The following SNORC variants were observed in gnomAD, a reference collection of about 807,000 sequenced individuals.
SNORC encodes secondary ossification center associated regulator of chondrocyte maturation.
A neutral mutation model predicts 9.7 loss-of-function variants in SNORC; 11 were observed. The observed-to-expected ratio is 1.14, with a 90% CI of 0.72 to 1.88. SNORC has a LOEUF of 1.88. SNORC is among the 40% of genes most tolerant of loss of function. The pLI is 0.00. For synonymous variants in SNORC, 108 were observed against 88.7 expected, an observed-to-expected ratio of 1.22 and a Z score of -1.22; for missense variants, 197 against 173.1, an observed-to-expected ratio of 1.14 and a Z score of -0.77.
chr2:232,870,452 C>T (rs114532944), intron 1 of SNORC, 38 bp downstream of exon 1: 32,399 of 1,539,416 alleles, frequency 0.021, 468 homozygotes, highest in South Asian at 0.03. Flanking sequence ...CACCACTAGC[C>T]TCCCAGGGCC....
At chr2:232,872,643 G>C (rs1393234647) in intron 1 of SNORC, among the ~76,000 whole-genome samples, 2 of 152,096 alleles carry the variant, frequency 1.3e-5, no homozygotes, top group African/African-American at 4.8e-5. Context: ...CTCACTTTCT[G>C]TCACCCTGGC....
chr2:232,867,544 C>T (rs1165429946), upstream of SNORC, among the ~76,000 whole-genome samples: 1 of 152,194 alleles, frequency 6.6e-6, no homozygotes, highest in Non-Finnish European at 1.5e-5. Context: ...ATTTGAAATA[C>T]AATTCATTGT....
At chr2:232,870,541 G>A (rs1690990102) in intron 1 of SNORC, 127 bp downstream of exon 1, 7 of 932,852 alleles carry the variant, frequency 7.5e-6, no homozygotes, top group Non-Finnish European at 1.1e-5. Flanking sequence ...GACTATTTGG[G>A]GTGATTCTGC....
chr2:232,875,273 G>A (rs1418711731), intron 1 of SNORC, among the ~76,000 whole-genome samples: 2 of 152,214 alleles, frequency 1.3e-5, no homozygotes, highest in Non-Finnish European at 2.9e-5. Context: ...AACCCGGGAG[G>A]CGGAGGCTGC....
chr2:232,872,308 AGGCCG>A (rs1409625937), intron 1 of SNORC, among the ~76,000 whole-genome samples: 1 of 152,154 alleles, frequency 6.6e-6, no homozygotes, highest in Non-Finnish European at 1.5e-5. Flanking sequence ...AGGTGGGAGC[AGGCCG>A]GGCTGAGCGG....
In SNORC at chr2:232,876,179, G is replaced by T; in HGVS notation, c.256+57G>T. 8.3e-7 allele frequency: 1 copy of T among 1,207,176 alleles called. No homozygotes were observed. The highest frequency in any genetic ancestry group is 1.1e-6 in the Non-Finnish European group (1 of 883,856). The allele number at this position is 1,207,176 out of a possible 1,614,324, so 74.8% of individuals were successfully genotyped here. Reference sequence around the variant, plus strand: ...GGAGAAATTAGGAGGGGCGGGGGGCGGGGGGCGCGGGGAGAAGGGCCGGCC... The same window carrying T: ...GGAGAAATTAGGAGGGGCGGGGGGCTGGGGGCGCGGGGAGAAGGGCCGGCC... On this transcript the variant is annotated intron_variant, in intron 2 of 2. Transcript: ENST00000331342. The surrounding 1 kb of genome is among the most constrained non-coding windows in gnomAD (Gnocchi z 6.8).
chr2:232,874,893 G>T (rs543015506), intron 1 of SNORC, among the ~76,000 whole-genome samples: 1 of 152,340 alleles, frequency 6.6e-6, no homozygotes, highest in South Asian at 2.1e-4. Context: ...CCAAGCCTTG[G>T]CTTTCTTGTC....
Position 232,870,328 on chromosome 2 carries a change from C to T in SNORC, c.-14C>T, listed in dbSNP as rs201000279. On this transcript the variant is annotated 5_prime_UTR_variant, in exon 1 of 3. Transcript: ENST00000331342. ...CGTGCGTCCCGCCCGCCGCTGCCCT[C>T]ACTCCCGGCCAGGATGGCATCCTGT... The T allele has an allele frequency of 3.9e-5, 60 of 1,554,136 alleles. No homozygotes were observed. In the East Asian group the frequency reaches 1.3e-3, roughly 33 times the overall value.
chr2:232,875,016 C>A (rs993291439), intron 1 of SNORC, among the ~76,000 whole-genome samples: 34 of 152,228 alleles, frequency 2.2e-4, no homozygotes, highest in African/African-American at 8.2e-4. Flanking sequence ...GGTCGAGTGT[C>A]CCTGGATCAC....
At chr2:232,877,120 G>T, downstream of SNORC, 7 of 985,972 alleles carry the variant, frequency 7.1e-6, no homozygotes, top group Non-Finnish European at 7.2e-6. Context: ...CCTCTGCCCA[G>T]GGAGCCTCAG....
chr2:232,870,308 G>T lies in SNORC; in HGVS notation c.-34G>T, dbSNP rs201190318. On this transcript the variant is annotated 5_prime_UTR_variant, in exon 1 of 3. Transcript: ENST00000331342. ...AGTTAACCAGCGCAGTCCTCCGTGC[G>T]TCCCGCCCGCCGCTGCCCTCACTCC... The T allele has an allele frequency of 2.1e-5, 32 of 1,546,476 alleles. No individual in the cohort carries two copies. In the East Asian group the frequency reaches 6.3e-4, roughly 31 times the overall value.
At chr2:232,878,582 T>C (rs1691368013), downstream of SNORC, 1 of 152,482 alleles carries the variant, frequency 6.6e-6, no homozygotes. Flanking sequence ...CGCCTTGAAC[T>C]CTTCCTTTGG....
At chr2:232,871,195 C>T (rs966010374) in intron 1 of SNORC, among the ~76,000 whole-genome samples, 9 of 151,984 alleles carry the variant, frequency 5.9e-5, no homozygotes, top group South Asian at 2.1e-4. Flanking sequence ...GGAGGGCGCC[C>T]GTGGATCTGT....
chr2:232,875,378 C>T (rs1410133822), intron 1 of SNORC: 2 of 259,356 alleles, frequency 7.7e-6, no homozygotes, highest in East Asian at 2.9e-4. Context: ...ATGGGCAGGC[C>T]TGCCCTGCTA....
chr2:232,876,743 G>C (rs1218026202), downstream of SNORC: 11 of 985,800 alleles, frequency 1.1e-5, no homozygotes, highest in East Asian at 5.7e-4. The surrounding 1 kb of genome is among the most constrained non-coding windows in gnomAD (Gnocchi z 6.8). Context: ...GCATCGGAGC[G>C]GGTGTGCGGC....
At chr2:232,876,921 G>A (rs1691277833), downstream of SNORC, 1 of 985,344 alleles carries the variant, frequency 1.0e-6, no homozygotes. This position sits in a 1 kb window ranked among gnomAD's most constrained non-coding sequence, Gnocchi z 6.8. Flanking sequence ...GTTCCGTGAG[G>A]AGGTAAGCGC....
At chr2:232,869,183 A>C (rs1002924208), upstream of SNORC, 1 of 152,236 alleles carries the variant, frequency 6.6e-6, no homozygotes, top group Non-Finnish European at 1.5e-5. Flanking sequence ...CTGACTTATC[A>C]AGCTGAGGCT....
chr2:232,871,701 G>T (rs1451319906), intron 1 of SNORC, among the ~76,000 whole-genome samples: 3 of 152,250 alleles, frequency 2.0e-5, no homozygotes, highest in Non-Finnish European at 4.4e-5. Context: ...GGGACTTAAA[G>T]GGGAAGGTGG....
At chr2:232,873,544 C>T (rs897414513) in intron 1 of SNORC, among the ~76,000 whole-genome samples, 1 of 152,214 alleles carries the variant, frequency 6.6e-6, no homozygotes, top group East Asian at 1.9e-4. Context: ...TCAGCTGGGC[C>T]TGGTACCCAG....
Sources: allele counts gnomAD v4.1 joint callset (sites outside exome capture counted in the v4.1 genomes callset), GRCh38; gene constraint gnomAD v4.1.1; non-coding constraint Gnocchi (gnomAD v3.1); transcripts MANE v1.5; gene names NCBI Gene and HGNC (gene_info 2026-07-23, HGNC 2026-07-21).